CSPP1: variants seen among roughly 807,000 people sequenced by gnomAD.
CSPP1 encodes centrosome and spindle pole associated protein 1.
Under a neutral mutation model 164.4 loss-of-function variants are expected in CSPP1, and 126 were observed. The observed-to-expected ratio is 0.77, with a 90% CI of 0.66 to 0.89. The LOEUF (loss-of-function observed/expected upper bound fraction) is 0.89, where lower values mean the gene tolerates loss of function less well. Ranked by LOEUF, CSPP1 falls within the 40% of genes least tolerant of loss-of-function variation. The probability of loss-of-function intolerance (pLI) is 0.00; values close to 1 mark genes in which losing one functional copy is unlikely to be tolerated. For synonymous variants in CSPP1, 472 were observed against 476.7 expected (o/e 0.99, Z 0.13); for missense variants, 1,395 against 1,449.8 (o/e 0.96, Z 0.61).
At chr8:67,088,218 T>C (rs1810804492) in intron 4 of CSPP1, among the ~76,000 whole-genome samples, 1 of 152,106 alleles carries the variant, frequency 6.6e-6, no homozygotes, top group South Asian at 2.1e-4. Context: ...TGAGAAGAAA[T>C]TGCCGTCATG....
intron 13 of CSPP1, among the ~76,000 whole-genome samples, chr8:67,117,325 C>A (rs1234340879): frequency 1.3e-5 from 2 of 152,060 alleles, no homozygotes; most frequent in Admixed American, 1.3e-4. Flanking sequence ...AGAGAACTTC[C>A]GTACCTTCTT....
At chr8:67,117,863 ATTTAG>A (rs1307713955) in intron 13 of CSPP1, among the ~76,000 whole-genome samples, 4 of 152,168 alleles carry the variant, frequency 2.6e-5, no homozygotes, top group Non-Finnish European at 5.9e-5. Context: ...CTATATTGCT[ATTTAG>A]TTTAATTTGC....
At chr8:67,118,401 C>A (rs1818345380) in intron 14 of CSPP1, 32 bp downstream of exon 14, 6 of 1,607,584 alleles carry the variant, frequency 3.7e-6, no homozygotes, top group Non-Finnish European at 4.2e-6. Flanking sequence ...CATTTTCTCC[C>A]CGCTTGGCTC....
chr8:67,159,098 C>G lies in CSPP1; in HGVS notation c.2499C>G (p.His833Gln). 6.2e-7 allele frequency: 1 copy of G among 1,608,810 alleles called. No homozygotes were observed. The highest frequency in any genetic ancestry group is 8.5e-7 in the Non-Finnish European group (1 of 1,178,766). The stretch of plus-strand genomic sequence containing the variant: ...AAAAATATAACCTGCAACTTCAGCA[C>G]TACTGTGAAAGAGACAATTTGATTG... ...EEEKYNLQLQ[H>Q]YCERDNLIGE... Residue 833 changes from histidine to glutamine, a missense_variant, in exon 21 of 31, where the codon CAC (histidine) becomes CAG (glutamine). His to Gln is a conservative substitution (Grantham distance 24). Coordinates refer to ENST00000678616, the MANE Select transcript of CSPP1 (RefSeq NM_001382391.1).
rs184342035 is a variant in CSPP1 at position 67,118,245 on chromosome 8, C to T, written c.1497-3C>T. On this transcript the variant is annotated splice_region_variant and splice_polypyrimidine_tract_variant and intron_variant, in intron 13 of 30. Transcript: ENST00000678616. The stretch of plus-strand genomic sequence containing the variant: ...GGAATTTTTCATCTTTCTTTTCATA[C>T]AGGATTGCACCTCTGCCTCCACCTC... 218 of 1,612,052 alleles carry T rather than the reference C, an allele frequency of 1.4e-4. No individual in the cohort carries two copies. The highest frequency in any genetic ancestry group is 5.9e-4 in the African/African-American group (44 of 74,940).
intron 28 of CSPP1, 125 bp from the exon 29 acceptor site, chr8:67,190,525 A>G (rs1835924286): frequency 5.8e-6 from 4 of 694,252 alleles, no homozygotes; most frequent in Non-Finnish European, 1.0e-5. Context: ...CTGTGTATGT[A>G]CATACATTGA....
chr8:67,107,728 A>G (rs1241199675), intron 9 of CSPP1, among the ~76,000 whole-genome samples: 3 of 152,168 alleles, frequency 2.0e-5, no homozygotes, highest in African/African-American at 4.8e-5. Context: ...ATTTTGCCCC[A>G]AGGATGTCAC....
chr8:67,175,644 T>C, intron 26 of CSPP1: 1 of 681,218 alleles, frequency 1.5e-6, no homozygotes, highest in Non-Finnish European at 2.7e-6. Context: ...TATTCATGCA[T>C]GAGAGGGGCC....
chr8:67,125,614 G>A (rs767090549), intron 15 of CSPP1, among the ~76,000 whole-genome samples: 1 of 151,970 alleles, frequency 6.6e-6, no homozygotes, highest in African/African-American at 2.4e-5. Context: ...CTGAAGCTTC[G>A]TTCATTTTTC....
At chr8:67,117,866 T>A (rs1449598423) in intron 13 of CSPP1, among the ~76,000 whole-genome samples, 2 of 152,188 alleles carry the variant, frequency 1.3e-5, no homozygotes, top group Non-Finnish European at 2.9e-5. Flanking sequence ...TATTGCTATT[T>A]AGTTTAATTT....
chr8:67,158,739 T>C, intron 20 of CSPP1, 143 bp downstream of exon 20: 1 of 1,172,956 alleles, frequency 8.5e-7, no homozygotes, highest in South Asian at 1.9e-5. Context: ...CTTTGGATAT[T>C]ATTTTATTAA....
chr8:67,186,508 C>T (rs550653107), intron 28 of CSPP1, among the ~76,000 whole-genome samples: 168 of 151,528 alleles, frequency 1.1e-3, no homozygotes, highest in Non-Finnish European at 1.8e-3. Flanking sequence ...TTTATGGTAA[C>T]TCAGCAAACT....
At chr8:67,152,183 A>G (rs1178263321) in intron 18 of CSPP1, among the ~76,000 whole-genome samples, 1 of 152,066 alleles carries the variant, frequency 6.6e-6, no homozygotes, top group Non-Finnish European at 1.5e-5. Flanking sequence ...TATGCCATAT[A>G]TATGTGTATG....
intron 17 of CSPP1, among the ~76,000 whole-genome samples, chr8:67,140,231 T>G (rs2129555807): frequency 6.6e-6 from 1 of 152,182 alleles, no homozygotes; most frequent in African/African-American, 2.4e-5. Context: ...TTTATAGGCA[T>G]GCACCACCAC....
At chr8:67,132,399 T>C (rs1288259507) in intron 16 of CSPP1, among the ~76,000 whole-genome samples, 1 of 152,202 alleles carries the variant, frequency 6.6e-6, no homozygotes, top group African/African-American at 2.4e-5. Context: ...TAGGTTGTTC[T>C]AGCAGATTGT....
At chr8:67,169,073 G>T (rs966871857) in intron 24 of CSPP1, among the ~76,000 whole-genome samples, 1 of 152,146 alleles carries the variant, frequency 6.6e-6, no homozygotes, top group African/African-American at 2.4e-5. Flanking sequence ...CAGCTATCTT[G>T]TCTTGGTGCT....
intron 9 of CSPP1, 73 bp from the exon 10 acceptor site, chr8:67,111,899 T>C: frequency 1.2e-6 from 1 of 855,420 alleles, no homozygotes; most frequent in Admixed American, 2.5e-5. Flanking sequence ...GATGGAGTTT[T>C]TAAGGACTTA....
rs374204352 is a variant in CSPP1 at position 67,064,476 on chromosome 8, G to C, written c.-73G>C. On this transcript the variant is annotated 5_prime_UTR_variant, in exon 1 of 31. Transcript: ENST00000678616. ...CTCTAGAGCACTGTGTGTCTCCCCG[G>C]ACGCGAGCCCGCTCCCCTGAGTAAG... 1.2e-6 allele frequency: 2 copies of C among 1,613,826 alleles called. No homozygotes were observed. The highest frequency in any genetic ancestry group is 2.7e-5 in the African/African-American group (2 of 74,922).
At chr8:67,136,789 G>C (rs1431128224) in intron 16 of CSPP1, among the ~76,000 whole-genome samples, 1 of 151,648 alleles carries the variant, frequency 6.6e-6, no homozygotes, top group Non-Finnish European at 1.5e-5. Flanking sequence ...TGAAAGGATA[G>C]ATGAAAAAGG....
Sources: allele counts gnomAD v4.1 joint callset (sites outside exome capture counted in the v4.1 genomes callset), GRCh38; gene constraint gnomAD v4.1.1; transcripts MANE v1.5; gene names NCBI Gene and HGNC (gene_info 2026-07-23, HGNC 2026-07-21).